The following RPS6KC1 variants were observed in gnomAD, a reference collection of about 807,000 sequenced individuals.
RPS6KC1 encodes the protein inactive ribosomal protein S6 kinase delta-1.
RPS6KC1 carries 54 observed loss-of-function variants against 103.8 expected under a neutral mutation model. The observed-to-expected ratio is 0.52, with a 90% confidence interval of 0.42 to 0.65. The LOEUF is 0.65. Ranked by LOEUF, RPS6KC1 falls within the 30% of genes least tolerant of loss-of-function variation. The pLI is 0.00. For synonymous variants in RPS6KC1, 439 were observed against 438.7 expected (o/e 1.00, Z -0.01); for missense variants, 1,151 against 1,253.8 (o/e 0.92, Z 1.24).
At chr1:213,058,963 C>T (rs1346413963) in intron 1 of RPS6KC1, among the ~76,000 whole-genome samples, 1 of 152,146 alleles carries the variant, frequency 6.6e-6, no homozygotes, top group Non-Finnish European at 1.5e-5. Flanking sequence ...CAAATTGCTT[C>T]TCTGTATATT....
At chr1:213,058,847 A>G (rs2077572034) in intron 1 of RPS6KC1, among the ~76,000 whole-genome samples, 1 of 152,220 alleles carries the variant, frequency 6.6e-6, no homozygotes. Context: ...CTTTAGGGAA[A>G]AATGGACATC....
At chr1:213,663,405 C>G in the RPS6KC1 span, among the ~76,000 whole-genome samples, 1 of 152,074 alleles carries the variant, frequency 6.6e-6, no homozygotes, top group Non-Finnish European at 1.5e-5. Flanking sequence ...TATAAGACAC[C>G]CTTGGACTGG....
At chr1:213,116,146 A>G (rs1572629012) in intron 4 of RPS6KC1, among the ~76,000 whole-genome samples, 1 of 152,036 alleles carries the variant, frequency 6.6e-6, no homozygotes, top group East Asian at 1.9e-4. Flanking sequence ...TAATGTTGAC[A>G]GTGGGGTGTT....
the RPS6KC1 span, among the ~76,000 whole-genome samples, chr1:213,540,037 G>A: frequency 1.3e-5 from 2 of 152,302 alleles, no homozygotes; most frequent in East Asian, 3.9e-4. Context: ...CTTCCTGCTG[G>A]AGGGTCTTGC....
At chr1:213,594,180 T>G in the RPS6KC1 span, among the ~76,000 whole-genome samples, 7 of 152,224 alleles carry the variant, frequency 4.6e-5, no homozygotes, top group African/African-American at 1.7e-4. Context: ...ATGGAAGCAA[T>G]GGGTACTATT....
chr1:213,230,571 G>A, intron 9 of RPS6KC1, 27 bp downstream of exon 9: 3 of 1,584,734 alleles, frequency 1.9e-6, no homozygotes, highest in Admixed American at 1.7e-5. Flanking sequence ...GCCAGGCGCG[G>A]TGCCTATAAT....
intron 3 of RPS6KC1, among the ~76,000 whole-genome samples, chr1:213,092,671 C>CAA (rs56935040): frequency 3.6e-5 from 3 of 82,706 alleles, no homozygotes; most frequent in Non-Finnish European, 5.0e-5. Flanking sequence ...GACTCCATCT[C>CAA]AAAAAAAAAA....
intron 12 of RPS6KC1, among the ~76,000 whole-genome samples, chr1:213,257,201 G>C (rs73093634): frequency 0.039 from 5,923 of 152,256 alleles, 337 homozygotes; most frequent in African/African-American, 0.13. Context: ...GTTCCCTGCA[G>C]TGCTGTGGAA....
the RPS6KC1 span, among the ~76,000 whole-genome samples, chr1:213,501,856 C>G: frequency 1.1e-4 from 17 of 152,234 alleles, no homozygotes; most frequent in Middle Eastern, 3.4e-3. Flanking sequence ...TTTAATCTAT[C>G]TTAAATAGAT....
At chr1:213,507,644 C>T in the RPS6KC1 span, among the ~76,000 whole-genome samples, 13 of 151,408 alleles carry the variant, frequency 8.6e-5, no homozygotes, top group South Asian at 4.2e-4. Context: ...CACTGCATTG[C>T]GGGCCTCCGG....
chr1:213,768,792 A>G, the RPS6KC1 span, among the ~76,000 whole-genome samples: 1 of 152,254 alleles, frequency 6.6e-6, no homozygotes, highest in African/African-American at 2.4e-5. Context: ...TGGAAAATTC[A>G]AGTTTTGAAG....
intron 6 of RPS6KC1, among the ~76,000 whole-genome samples, chr1:213,143,557 C>G (rs2087342678): frequency 6.6e-6 from 1 of 151,586 alleles, no homozygotes. Flanking sequence ...TTTTAATATA[C>G]ATTTAGGATT....
the RPS6KC1 span, among the ~76,000 whole-genome samples, chr1:213,413,905 C>T: frequency 1.3e-5 from 2 of 152,114 alleles, no homozygotes; most frequent in Non-Finnish European, 2.9e-5. Context: ...GGGCATAGCT[C>T]AGTGAGATAC....
At chr1:213,582,960 CACTGTAG>C in the RPS6KC1 span, among the ~76,000 whole-genome samples, 284 of 152,268 alleles carry the variant, frequency 1.9e-3, 6 homozygotes, top group East Asian at 0.013. Flanking sequence ...TGCTTTCTGC[CACTGTAG>C]ATTAGTTTTG....
the RPS6KC1 span, among the ~76,000 whole-genome samples, chr1:213,307,163 C>T: frequency 1.3e-5 from 2 of 150,396 alleles, no homozygotes; most frequent in South Asian, 4.2e-4. Flanking sequence ...CACGGGTTCA[C>T]GCCATTCTCC....
At chr1:213,252,210 T>G (rs912897720) in intron 12 of RPS6KC1, among the ~76,000 whole-genome samples, 1 of 152,214 alleles carries the variant, frequency 6.6e-6, no homozygotes, top group Non-Finnish European at 1.5e-5. Context: ...ATTTTGTAAT[T>G]CTAGTCCCTT....
the RPS6KC1 span, among the ~76,000 whole-genome samples, chr1:213,811,664 G>A: frequency 1.3e-5 from 2 of 152,196 alleles, no homozygotes; most frequent in Non-Finnish European, 2.9e-5. Context: ...AAAAGGGGCA[G>A]CATAAAAAAT....
At chr1:213,802,859 A>G in the RPS6KC1 span, among the ~76,000 whole-genome samples, 2 of 152,308 alleles carry the variant, frequency 1.3e-5, no homozygotes, top group Middle Eastern at 3.4e-3. Flanking sequence ...CACACTCAGT[A>G]TCTAGTGAAA....
At chr1:213,636,706 C>A in the RPS6KC1 span, among the ~76,000 whole-genome samples, 1 of 151,982 alleles carries the variant, frequency 6.6e-6, no homozygotes, top group Non-Finnish European at 1.5e-5. Context: ...TAGGCATGGG[C>A]AAGAACTTCA....
Sources: gnomAD v4.1 joint callset for allele counts (sites outside exome capture counted in the v4.1 genomes callset) on GRCh38, gnomAD v4.1.1 for gene constraint, MANE v1.5 for transcripts, NCBI Gene and HGNC (gene_info 2026-07-23, HGNC 2026-07-21) for gene names.